The following CFAP58 variants were observed in gnomAD, a reference collection of about 807,000 sequenced individuals.
The protein encoded by CFAP58 is cilia- and flagella-associated protein 58.
Under a neutral mutation model 119.5 loss-of-function variants are expected in CFAP58, and 88 were observed. The observed-to-expected ratio is 0.74, with a 90% CI of 0.62 to 0.88. The LOEUF (loss-of-function observed/expected upper bound fraction) is 0.88, where lower values mean the gene tolerates loss of function less well. Ranked by LOEUF, CFAP58 falls within the 40% of genes least tolerant of loss-of-function variation. The probability of loss-of-function intolerance (pLI) is 0.00; values close to 1 mark genes in which losing one functional copy is unlikely to be tolerated. For synonymous variants in CFAP58, 365 were observed against 366.3 expected (o/e 1.00, Z 0.04); for missense variants, 990 against 1,021.2 (o/e 0.97, Z 0.42).
chr10:104,441,650 A>G (rs1288965969), intron 15 of CFAP58, among the ~76,000 whole-genome samples: 2 of 152,214 alleles, frequency 1.3e-5, no homozygotes, highest in African/African-American at 2.4e-5. Context: ...CATTTTTCCT[A>G]TTGTTACAAA....
intron 15 of CFAP58, among the ~76,000 whole-genome samples, chr10:104,414,966 G>A (rs1198324102): frequency 6.6e-6 from 1 of 152,220 alleles, no homozygotes; most frequent in Non-Finnish European, 1.5e-5. Context: ...CCCCACGCCC[G>A]TGAATGGGCA....
chr10:104,432,148 C>G (rs1021797126), intron 15 of CFAP58, among the ~76,000 whole-genome samples: 4 of 151,520 alleles, frequency 2.6e-5, no homozygotes, highest in Admixed American at 6.6e-5. Context: ...TTTGTCTACA[C>G]AAAAAGTTTA....
rs2012308899 is a variant in CFAP58 at position 104,403,756 on chromosome 10, A to C, written c.2067A>C (p.Glu689Asp). The C allele has an allele frequency of 6.2e-7, 1 of 1,611,614 alleles. No homozygotes were observed. Among genetic ancestry groups the C allele is most frequent in the Non-Finnish European group, 8.5e-7 (1 of 1,179,164 alleles). Residue 689 changes from glutamate (E) to aspartate (D), a missense_variant, in exon 14 of 18, where the codon GAA becomes GAC. Physicochemically the swap from Glu to Asp is conservative, Grantham distance 45. Transcript: ENST00000369704. ...LRQEFFHMQRELLKERTRCRA... is the reference protein window; with the variant it reads ...LRQEFFHMQRDLLKERTRCRA... ...AGGAGTTTTTTCACATGCAAAGAGAATTGTTGAAGGAGAGGACACGCTGCC... is the reference window on the plus strand; with the variant it reads ...AGGAGTTTTTTCACATGCAAAGAGACTTGTTGAAGGAGAGGACACGCTGCC...
intron 1 of CFAP58, among the ~76,000 whole-genome samples, chr10:104,357,919 A>T (rs1223349210): frequency 8.5e-6 from 1 of 117,502 alleles, no homozygotes; most frequent in Non-Finnish European, 1.7e-5. Flanking sequence ...ACACACATAT[A>T]TGTACACATA....
chr10:104,386,262 C>T (rs1315557335), intron 9 of CFAP58, among the ~76,000 whole-genome samples: 11 of 150,926 alleles, frequency 7.3e-5, no homozygotes, highest in Admixed American at 5.3e-4. Context: ...CCTGTAATCC[C>T]AGCTACTTGG....
At chr10:104,402,055 A>G (rs576636107) in intron 13 of CFAP58, among the ~76,000 whole-genome samples, 1 of 151,658 alleles carries the variant, frequency 6.6e-6, no homozygotes, top group East Asian at 1.9e-4. Flanking sequence ...TGTTGTTAAT[A>G]TATTTTATTT....
intron 15 of CFAP58, among the ~76,000 whole-genome samples, chr10:104,429,057 C>T (rs1383925102): frequency 6.6e-6 from 1 of 152,204 alleles, no homozygotes; most frequent in Non-Finnish European, 1.5e-5. Context: ...GTAGCAGCTC[C>T]ATTCTGTACA....
chr10:104,390,515 T>A (rs775199879), intron 9 of CFAP58, among the ~76,000 whole-genome samples: 4 of 152,324 alleles, frequency 2.6e-5, no homozygotes, highest in Non-Finnish European at 4.4e-5. Flanking sequence ...TTTGTAAAAT[T>A]GGGGGCAATA....
At chr10:104,357,943 G>GCACACATA (rs2014597528) in intron 1 of CFAP58, among the ~76,000 whole-genome samples, 4 of 109,708 alleles carry the variant, frequency 3.6e-5, no homozygotes, top group African/African-American at 2.0e-4. Context: ...ACACATATAT[G>GCACACATA]TACACATATA....
At chr10:104,443,062 C>G (rs7087321) in intron 15 of CFAP58, among the ~76,000 whole-genome samples, 5,439 of 152,216 alleles carry the variant, frequency 0.036, 350 homozygotes, top group African/African-American at 0.13. Flanking sequence ...ATGAGGAGAG[C>G]ACAACAGCAG....
chr10:104,413,596 C>G (rs1564897241), intron 15 of CFAP58, among the ~76,000 whole-genome samples: 2 of 152,102 alleles, frequency 1.3e-5, no homozygotes, highest in South Asian at 2.1e-4. Flanking sequence ...TGTTCCTCCT[C>G]TCATCTGAAT....
At chr10:104,338,907 G>GTTTT in the CFAP58 span, among the ~76,000 whole-genome samples, 8 of 140,596 alleles carry the variant, frequency 5.7e-5, no homozygotes, top group African/African-American at 1.6e-4. Flanking sequence ...GCTTACTACC[G>GTTTT]TTTTTTTTTT....
chr10:104,377,980 T>C (rs2011705409), intron 8 of CFAP58, among the ~76,000 whole-genome samples: 1 of 152,264 alleles, frequency 6.6e-6, no homozygotes, highest in Non-Finnish European at 1.5e-5. Flanking sequence ...TTAATCTGTT[T>C]ATATTTTATA....
chr10:104,390,263 G>A (rs1454121353), intron 9 of CFAP58, among the ~76,000 whole-genome samples: 1 of 152,102 alleles, frequency 6.6e-6, no homozygotes, highest in Non-Finnish European at 1.5e-5. Context: ...AATTATGATG[G>A]CACACCCACT....
chr10:104,403,875 A>G, intron 14 of CFAP58, 35 bp downstream of exon 14: 2 of 1,362,824 alleles, frequency 1.5e-6, no homozygotes, highest in Non-Finnish European at 2.1e-6. Flanking sequence ...CCATCCCCAA[A>G]TCTCTCCTCC....
intron 15 of CFAP58, among the ~76,000 whole-genome samples, chr10:104,437,888 G>C (rs1393988428): frequency 3.9e-5 from 6 of 152,082 alleles, no homozygotes; most frequent in South Asian, 2.1e-4. Flanking sequence ...AAGAGTATCT[G>C]CTCCCCAAGA....
chr10:104,339,143 C>T, the CFAP58 span, among the ~76,000 whole-genome samples: 6 of 152,256 alleles, frequency 3.9e-5, no homozygotes, highest in Admixed American at 2.6e-4. Context: ...CCCTTCTCGG[C>T]CTTCCGAAGC....
At chr10:104,386,527 A>C (rs1298121354) in intron 9 of CFAP58, among the ~76,000 whole-genome samples, 1 of 152,166 alleles carries the variant, frequency 6.6e-6, no homozygotes, top group Non-Finnish European at 1.5e-5. Context: ...TTTCCCAAGA[A>C]GCTTTATTAA....
At chr10:104,429,099 G>C (rs2012800768) in intron 15 of CFAP58, among the ~76,000 whole-genome samples, 1 of 152,194 alleles carries the variant, frequency 6.6e-6, no homozygotes, top group African/African-American at 2.4e-5. Context: ...GCACCGTGTG[G>C]CCAGGGAGCT....
Sources: allele counts gnomAD v4.1 joint callset (sites outside exome capture counted in the v4.1 genomes callset), GRCh38; gene constraint gnomAD v4.1.1; transcripts MANE v1.5; gene names NCBI Gene and HGNC (gene_info 2026-07-23, HGNC 2026-07-21).